Variants in MAP4K3 observed in about 807,000 individuals in gnomAD.
MAP4K3 encodes the protein MAPK/ERK kinase kinase kinase 3.
MAP4K3 carries 94 observed loss-of-function variants against 143.5 expected under a neutral mutation model. That is an observed-to-expected ratio of 0.65 (90% confidence interval 0.55 to 0.78). The LOEUF is 0.78. Ranked by LOEUF, MAP4K3 falls within the 30% of genes least tolerant of loss-of-function variation. The pLI is 0.00. For missense variants in MAP4K3, 1,077 were observed against 1,068.1 expected (o/e 1.01, Z -0.12); for synonymous variants, 416 against 347.2 (o/e 1.20, Z -2.20).
chr2:39,414,626 A>G (rs1667320400), intron 1 of MAP4K3, among the ~76,000 whole-genome samples: 1 of 152,150 alleles, frequency 6.6e-6, no homozygotes, highest in Non-Finnish European at 1.5e-5. Flanking sequence ...CTGTAATCAC[A>G]GCACTTTGGG....
chr2:39,315,550 C>T (rs1466326447), intron 12 of MAP4K3, 162 bp from the exon 13 acceptor site: 1 of 540,602 alleles, frequency 1.8e-6, no homozygotes, highest in South Asian at 2.6e-5. Flanking sequence ...ACCACAATAG[C>T]AGCTCAAACT....
chr2:39,291,431 T>G (rs1464882145), intron 18 of MAP4K3, among the ~76,000 whole-genome samples: 1 of 152,172 alleles, frequency 6.6e-6, no homozygotes, highest in South Asian at 2.1e-4. Context: ...ATGAAATAAA[T>G]GATACAGTAT....
intron 28 of MAP4K3, among the ~76,000 whole-genome samples, chr2:39,262,680 A>G (rs1680615639): frequency 1.3e-5 from 2 of 152,146 alleles, no homozygotes. Flanking sequence ...TCCAGTTGCT[A>G]TTGTCCTCGA....
At chr2:39,291,382 G>A (rs1026173354) in intron 18 of MAP4K3, among the ~76,000 whole-genome samples, 4 of 152,124 alleles carry the variant, frequency 2.6e-5, no homozygotes, top group Non-Finnish European at 5.9e-5. Context: ...TATATCAACT[G>A]AAAGGTAAAT....
chr2:39,332,629 T>C (rs892244513), intron 7 of MAP4K3, among the ~76,000 whole-genome samples: 1 of 152,082 alleles, frequency 6.6e-6, no homozygotes, highest in Non-Finnish European at 1.5e-5. Flanking sequence ...ATAAATAGTA[T>C]GTCTTTGAGT....
intron 16 of MAP4K3, among the ~76,000 whole-genome samples, chr2:39,293,482 A>C (rs560012961): frequency 2.0e-5 from 3 of 152,292 alleles, no homozygotes; most frequent in South Asian, 2.1e-4. Flanking sequence ...ATGTCTTTAT[A>C]TATGTATTTT....
Position 39,415,932 on chromosome 2 carries a change from G to A in MAP4K3, c.96+20960C>T, listed in dbSNP as rs187222230. Among the ~76,000 whole-genome samples the A allele has an allele frequency of 2.7e-3, 269 of 100,150 alleles. 2 individuals carry two copies. The highest frequency in any genetic ancestry group is 9.8e-3 in the African/African-American group (256 of 26,188). The allele number at this position is 100,150 out of a possible 152,430, so 65.7% of individuals were successfully genotyped here. A position where few individuals can be genotyped will look rare whatever the true frequency, so the allele number is the denominator to read the frequency against. ...CGCACCATTGCACTCCAGTCTGGGC[G>A]AGAGAGCAAGGCTCTGTCTCAAAAA... On this transcript the variant is annotated intron_variant, in intron 1 of 33. Coordinates refer to ENST00000263881, the MANE Select transcript of MAP4K3 (RefSeq NM_003618.4).
At chr2:39,276,695 T>C (rs77935174) in intron 24 of MAP4K3, among the ~76,000 whole-genome samples, 5,287 of 152,340 alleles carry the variant, frequency 0.035, 127 homozygotes, top group South Asian at 0.055. Context: ...CGTGGACACA[T>C]AGTAAGCTTT....
At chr2:39,430,490 T>C (rs972992287) in intron 1 of MAP4K3, among the ~76,000 whole-genome samples, 4 of 152,008 alleles carry the variant, frequency 2.6e-5, no homozygotes, top group Non-Finnish European at 4.4e-5. Flanking sequence ...AAAAGAAATA[T>C]GATTTTTGTA....
chr2:39,403,445 G>A (rs571561585), intron 1 of MAP4K3, among the ~76,000 whole-genome samples: 57 of 152,174 alleles, frequency 3.7e-4, no homozygotes, highest in African/African-American at 6.5e-4. Context: ...GCAGTGTGGC[G>A]CAGAGAATGT....
chr2:39,379,314 G>T (rs1259714726), intron 1 of MAP4K3, among the ~76,000 whole-genome samples: 4 of 152,018 alleles, frequency 2.6e-5, no homozygotes, highest in Admixed American at 6.6e-5. Flanking sequence ...AGATCTCATA[G>T]AAATTAATAA....
At chr2:39,284,352 G>C (rs1388294495) in intron 21 of MAP4K3, among the ~76,000 whole-genome samples, 1 of 151,702 alleles carries the variant, frequency 6.6e-6, no homozygotes, top group Non-Finnish European at 1.5e-5. Flanking sequence ...GTAGAGATGG[G>C]GTTTTACCAT....
chr2:39,385,160 A>C (rs1233390438), intron 1 of MAP4K3, among the ~76,000 whole-genome samples: 1 of 152,202 alleles, frequency 6.6e-6, no homozygotes, highest in East Asian at 1.9e-4. Context: ...ATACGGAAAG[A>C]GCTGCTATAA....
At chr2:39,318,204 A>G (rs1683182966) in intron 12 of MAP4K3, among the ~76,000 whole-genome samples, 1 of 152,126 alleles carries the variant, frequency 6.6e-6, no homozygotes, top group Non-Finnish European at 1.5e-5. Context: ...CTGAGTACAC[A>G]TGGATACAAA....
intron 16 of MAP4K3, among the ~76,000 whole-genome samples, chr2:39,299,387 T>C (rs1682417574): frequency 1.3e-5 from 2 of 152,222 alleles, no homozygotes; most frequent in Non-Finnish European, 2.9e-5. Flanking sequence ...CAGCTGTTTT[T>C]AGTGACCAAC....
At chr2:39,418,677 A>G (rs1037066071) in intron 1 of MAP4K3, among the ~76,000 whole-genome samples, 6 of 152,188 alleles carry the variant, frequency 3.9e-5, no homozygotes, top group Non-Finnish European at 7.4e-5. Flanking sequence ...TTATGTCAAC[A>G]GCATACATAC....
intron 6 of MAP4K3, among the ~76,000 whole-genome samples, chr2:39,334,900 T>G (rs1337402027): frequency 6.6e-6 from 1 of 152,172 alleles, no homozygotes; most frequent in East Asian, 1.9e-4. Context: ...ATAATTACTC[T>G]GAAGACACAG....
In MAP4K3 at chr2:39,312,606, C is replaced by T. The variant is rs112756126; in HGVS notation, c.997+2704G>A. On this transcript the variant is annotated intron_variant, in intron 13 of 33. Coordinates refer to ENST00000263881, the MANE Select transcript of MAP4K3 (RefSeq NM_003618.4). ...TGAGAAACACAGCCCTGTAATATCT[C>T]CAGTTATGTCTGGGTGTGTATATGC... is the stretch of plus-strand genomic sequence containing the variant. Among the ~76,000 whole-genome samples, 105 of 152,252 alleles carry T rather than the reference C, an allele frequency of 6.9e-4. 1 individual carries two copies. Among genetic ancestry groups the T allele is most frequent in the Non-Finnish European group, 1.4e-3 (96 of 68,010 alleles).
chr2:39,265,524 G>C (rs1680731556), intron 27 of MAP4K3, among the ~76,000 whole-genome samples: 1 of 152,282 alleles, frequency 6.6e-6, no homozygotes, highest in South Asian at 2.1e-4. Flanking sequence ...ATTTTTATTT[G>C]TATGCACAAA....
Sources: gnomAD v4.1 joint callset for allele counts (sites outside exome capture counted in the v4.1 genomes callset) on GRCh38, gnomAD v4.1.1 for gene constraint, MANE v1.5 for transcripts, NCBI Gene and HGNC (gene_info 2026-07-23, HGNC 2026-07-21) for gene names.